Variants in CEP95 observed in about 807,000 individuals in gnomAD.
CEP95 encodes centrosomal protein of 95 kDa.
Under a neutral mutation model 111.2 loss-of-function variants are expected in CEP95, and 98 were observed. That is an observed-to-expected ratio of 0.88 (90% CI 0.75 to 1.04). The LOEUF is 1.04. Among genes scored for constraint, CEP95 ranks in the 50% least tolerant of loss-of-function variants. CEP95 has a pLI of 0.00. For synonymous variants in CEP95, 323 were observed against 327.1 expected, an observed-to-expected ratio of 0.99 and a Z score of 0.14; for missense variants, 1,027 against 977.2, an observed-to-expected ratio of 1.05 and a Z score of -0.68.
At position 64,531,930 on chromosome 17, in the gene CEP95, C is replaced by G. The variant is rs1555680381; in HGVS notation, c.1580C>G (p.Pro527Arg). ...GGAGAAGCTGTTCGTAAAGGAACTC[C>G]AGAATGTAGTCAGCCCTGGAAGATT... ...YRGEAVRKGT[P>R]ECSQPWKIYS... The change falls in exon 14 of 20, where the codon CCA (proline) becomes CGA (arginine). Residue 527 changes from proline to arginine, a missense_variant. By Grantham distance (103) the Pro-to-Arg change is moderately radical. Transcript: ENST00000556440. The G allele has an allele frequency of 6.2e-7, 1 of 1,608,296 alleles. No homozygotes were observed.
chr17:64,506,771 G>A (rs1255373854), upstream of CEP95: 1 of 515,014 alleles, frequency 1.9e-6, no homozygotes, highest in Non-Finnish European at 3.5e-6. Flanking sequence ...TGCGCTGCTC[G>A]CACCCCGGGA....
chr17:64,524,192 GGGTGGCAGTT>G, intron 8 of CEP95, among the ~76,000 whole-genome samples: 3 of 152,136 alleles, frequency 2.0e-5, no homozygotes, highest in Non-Finnish European at 2.9e-5. Context: ...TTCTTGACCT[GGGTGGCAGTT>G]AAAGGGGAGT....
Position 64,530,944 on chromosome 17 carries a change from G to A in CEP95, c.1465G>A (p.Glu489Lys). The A allele has an allele frequency of 2.6e-6, 4 of 1,555,702 alleles. No individual in the cohort carries two copies. Among genetic ancestry groups the A allele is most frequent in the Non-Finnish European group, 3.5e-6 (4 of 1,148,086 alleles). The stretch of plus-strand genomic sequence containing the variant: ...CCTTTAGGCGTTTACTGAAGCATTT[G>A]AAAGGGAACTAAGAAGACATAAAGT... ...FQAQAFTEAF[E>K]RELRRHKVQE... is the part of the protein sequence containing the mutation. Residue 489 changes from glutamate (E) to lysine (K), a missense_variant, in exon 13 of 20, where the codon GAA (glutamate) becomes AAA (lysine). Physicochemically the swap from Glu to Lys is moderately conservative, Grantham distance 56. Transcript: ENST00000556440.
At chr17:64,514,778 A>G (rs2039057894) in intron 4 of CEP95, 2 of 236,674 alleles carry the variant, frequency 8.5e-6, no homozygotes, top group Non-Finnish European at 1.6e-5. Flanking sequence ...GTGACAGCCT[A>G]AATATTTCAG....
intron 8 of CEP95, among the ~76,000 whole-genome samples, chr17:64,523,620 T>C (rs1182808133): frequency 6.6e-6 from 1 of 151,972 alleles, no homozygotes; most frequent in African/African-American, 2.4e-5. Context: ...CTTATCTTTC[T>C]AAAAAGAACA....
rs782779989 is a variant in CEP95 at position 64,537,720 on chromosome 17, C to T, written c.2407C>T (p.Arg803Cys). The change falls in exon 20 of 20, where the codon CGC becomes TGC. Residue 803 changes from arginine to cysteine, a missense_variant. Physicochemically the swap from Arg to Cys is radical, Grantham distance 180. Transcript: ENST00000556440. The stretch of plus-strand genomic sequence containing the variant: ...TTTCTTCCGGGAACTGGAAGCTGAG[C>T]GCTTCAGATCTCGGCTTCAGCTGGC... The part of the protein sequence containing the change: ...DVFFRELEAE[R>C]FRSRLQLASF... 1.7e-5 allele frequency: 28 copies of T among 1,611,980 alleles called. 1 individual carries two copies. Among genetic ancestry groups the T allele is most frequent in the Admixed American group, 1.0e-4 (6 of 59,740 alleles).
chr17:64,508,278 A>C (rs1357671284), intron 1 of CEP95: 15 of 986,014 alleles, frequency 1.5e-5, no homozygotes, highest in African/African-American at 1.7e-5. Context: ...AATATGTTTT[A>C]ACTAAAAACA....
chr17:64,529,396 G>C lies in CEP95; in HGVS notation c.1415G>C (p.Arg472Thr). 1.2e-6 allele frequency: 2 copies of C among 1,613,812 alleles called. No homozygotes were observed. The highest frequency in any genetic ancestry group is 1.7e-6 in the Non-Finnish European group (2 of 1,179,808). Reference protein sequence around the residue: ...HLERKRQRKPRETDVRQFQAQ... With the variant: ...HLERKRQRKPTETDVRQFQAQ... ...GAGAGAAAAAGGCAGCGCAAGCCAA[G>C]AGAAACAGATGTCCGCCAATTCCAA... The change falls in exon 12 of 20, where the codon AGA becomes ACA. Residue 472 changes from arginine to threonine, a missense_variant. Arg to Thr is a moderately conservative substitution (Grantham distance 71, BLOSUM62 -1). Coordinates refer to ENST00000556440, the MANE Select transcript of CEP95 (RefSeq NM_138363.3).
intron 5 of CEP95, 147 bp downstream of exon 5, chr17:64,516,975 G>T: frequency 1.8e-6 from 1 of 552,916 alleles, no homozygotes; most frequent in South Asian, 2.7e-5. Context: ...TTTCCTGAGG[G>T]AGTTTTAAGA....
upstream of CEP95, chr17:64,506,859 G>A (rs950934570): frequency 5.5e-5 from 34 of 619,530 alleles, no homozygotes; most frequent in African/African-American, 6.3e-4. Context: ...GGTCGGCGGA[G>A]AATGGTCTCT....
At chr17:64,512,721 C>T (rs1555675430) in intron 3 of CEP95, among the ~76,000 whole-genome samples, 1 of 152,134 alleles carries the variant, frequency 6.6e-6, no homozygotes, top group Non-Finnish European at 1.5e-5. Context: ...AAATACTCTT[C>T]TGTCTTAAGT....
rs920776015 is a variant in CEP95, at chr17:64,518,160, A to C, written c.474-1161A>C. 9.8e-5 allele frequency among the ~76,000 whole-genome samples: 15 copies of C among 152,330 alleles called. No homozygotes were observed. In the South Asian group the frequency reaches 3.1e-3, roughly 32 times the overall value. On this transcript the variant is annotated intron_variant, in intron 5 of 19. Transcript: ENST00000556440. ...CCAAAGTGGTGGGATTACAGGCGTG[A>C]GCCCCTGCGCCCAGCCTCAAGTTGT...
intron 1 of CEP95, chr17:64,507,762 A>G: frequency 1.0e-6 from 1 of 985,540 alleles, no homozygotes; most frequent in African/African-American, 1.7e-5. Context: ...ATACACTCTC[A>G]TTCGTTTCCA....
chr17:64,532,287 C>T lies in CEP95; in HGVS notation c.1672+265C>T, dbSNP rs117605928. 7.1e-3 allele frequency: 8,320 copies of T among 1,179,500 alleles called. 34 individuals are homozygous for T. Among genetic ancestry groups the T allele is most frequent in the Middle Eastern group, 0.011 (32 of 2,848 alleles). The allele number at this position is 1,179,500 out of a possible 1,614,324, so 73.1% of individuals were successfully genotyped here. On this transcript the variant is annotated intron_variant, in intron 14 of 19. Transcript: ENST00000556440. ...CTCCAGCGTTAGCCTCACTCGTGTG[C>T]TTACTCACTTTGACTGCCTTTTTGT...
intron 12 of CEP95, among the ~76,000 whole-genome samples, chr17:64,529,925 A>G (rs1376566274): frequency 6.6e-6 from 1 of 152,212 alleles, no homozygotes; most frequent in Non-Finnish European, 1.5e-5. Flanking sequence ...AGGTTTTATA[A>G]TGCGGTAGGA....
At chr17:64,507,323 G>T in intron 1 of CEP95, 2 of 1,441,634 alleles carry the variant, frequency 1.4e-6, no homozygotes, top group Non-Finnish European at 1.8e-6. Flanking sequence ...TGCTGTGGGA[G>T]AGAGAGAGGC....
chr17:64,510,208 G>A lies in CEP95; in HGVS notation c.184G>A (p.Ala62Thr). 4 of 1,611,240 alleles carry A rather than the reference G, an allele frequency of 2.5e-6. No homozygotes were observed. The highest frequency in any genetic ancestry group is 3.4e-6 in the Non-Finnish European group (4 of 1,178,428). ...TATTCCTAGGAGTCAAGAAGATGAT[G>A]CACACAATGTACAAGCAGTAATTGA... is the stretch of plus-strand genomic sequence containing the variant. ...IVIPRSQEDD[A>T]HNVQAVIDSL... is the part of the protein sequence containing the mutation. The change falls in exon 3 of 20, where the codon GCA becomes ACA. Residue 62 changes from alanine (A) to threonine (T), a missense_variant. Physicochemically the swap from Ala to Thr is moderately conservative, Grantham distance 58. Transcript: ENST00000556440.
rs547354773 is a variant in CEP95, at chr17:64,507,619, C to T, written c.19+503C>T. 3.8e-5 allele frequency: 38 copies of T among 989,788 alleles called. No homozygotes were observed. In the Admixed American group the frequency reaches 1.3e-3, roughly 34 times the overall value. The allele number at this position is 989,788 out of a possible 1,614,324, so 61.3% of individuals were successfully genotyped here. On this transcript the variant is annotated intron_variant, in intron 1 of 19. Coordinates refer to ENST00000556440, the MANE Select transcript of CEP95 (RefSeq NM_138363.3). Reference sequence around the variant, plus strand: ...GAGTCATGGGCTTTGTCTAGCACCGCTTTTGAAGAGCGAATTAATTTGGTT... The same window carrying T: ...GAGTCATGGGCTTTGTCTAGCACCGTTTTTGAAGAGCGAATTAATTTGGTT...
Position 64,537,670 on chromosome 17 carries a change from T to C in CEP95, c.2357T>C (p.Met786Thr), listed in dbSNP as rs577106453. The change falls in exon 20 of 20, where the codon ATG (methionine) becomes ACG (threonine). Residue 786 changes from methionine to threonine, a missense_variant. Physicochemically the swap from Met to Thr is moderately conservative, Grantham distance 81. Transcript: ENST00000556440. ...MEKEIQQLQD[M>T]ITQNDDDVFF... is the part of the protein sequence containing the mutation. ...AAGGAAATTCAGCAGCTGCAGGACATGATAACACAGAATGATGATGATGTT... is the reference window on the plus strand; with the variant it reads ...AAGGAAATTCAGCAGCTGCAGGACACGATAACACAGAATGATGATGATGTT... 5 of 1,613,472 alleles carry C rather than the reference T, an allele frequency of 3.1e-6. No homozygotes were observed. The South Asian group carries it at 4.4e-5, about 14-fold the overall frequency.
Sources: allele counts gnomAD v4.1 joint callset (sites outside exome capture counted in the v4.1 genomes callset), GRCh38; gene constraint gnomAD v4.1.1; transcripts MANE v1.5; gene names NCBI Gene and HGNC (gene_info 2026-07-23, HGNC 2026-07-21).